Variants in COL5A3 observed in about 807,000 individuals in gnomAD.
COL5A3 encodes collagen type V alpha 3 chain, also known as collagen alpha-3(V) chain.
COL5A3 carries 172 observed loss-of-function variants against 250.0 expected under a neutral mutation model. The observed-to-expected ratio is 0.69, with a 90% CI of 0.61 to 0.78. The LOEUF is 0.78. COL5A3 is among the 30% of genes least tolerant of loss of function. COL5A3 has a pLI of 0.00. For missense variants in COL5A3, 2,340 were observed against 2,334.4 expected, an observed-to-expected ratio of 1.00 and a Z score of -0.05; for synonymous variants, 937 against 900.4, an observed-to-expected ratio of 1.04 and a Z score of -0.73.
At position 9,986,304 on chromosome 19, in the gene COL5A3, G is replaced by T; in HGVS notation, c.2352+11C>A. 6.6e-7 allele frequency: 1 copy of T among 1,511,722 alleles called. No individual in the cohort carries two copies. Among genetic ancestry groups the T allele is most frequent in the Non-Finnish European group, 8.9e-7 (1 of 1,126,402 alleles). The allele number at this position is 1,511,722 out of a possible 1,614,324, so 93.6% of individuals were successfully genotyped here. A position where few individuals can be genotyped will look rare whatever the true frequency, so the allele number is the denominator to read the frequency against. On this transcript the variant is annotated intron_variant, in intron 30 of 66. Transcript: ENST00000264828. ...TGACTGTGGGAGGCTAGAGGGTGGAGAGTCATTTACCTTCTCCCCAGCTGA... is the reference window on the plus strand; with the variant it reads ...TGACTGTGGGAGGCTAGAGGGTGGATAGTCATTTACCTTCTCCCCAGCTGA...
Position 10,005,688 on chromosome 19 carries a change from T to A in COL5A3, c.464A>T (p.Asp155Val). 2 of 1,612,462 alleles carry A rather than the reference T, an allele frequency of 1.2e-6. No individual in the cohort carries two copies. The highest frequency in any genetic ancestry group is 1.7e-6 in the Non-Finnish European group (2 of 1,178,832). Residue 155 changes from aspartate (D) to valine (V), a missense_variant, in exon 4 of 67, where the codon GAT (aspartate) becomes GTT (valine). This residue lies in a region of COL5A3 where 1,152 missense variants were observed against 1,146.3 expected (regional missense o/e 1.00). Transcript: ENST00000264828. ...GRWHRVAVSI[D>V]GEMVTLVADC... ...AGCTACCAGGGTCACCATCTCACCATCTATGCTGACGGCCACACGGTGCCA... is the reference window on the plus strand; with the variant it reads ...AGCTACCAGGGTCACCATCTCACCAACTATGCTGACGGCCACACGGTGCCA...
chr19:9,989,349 C>G lies in COL5A3; in HGVS notation c.2064G>C (p.Glu688Asp), dbSNP rs747769168. 26 of 1,614,222 alleles carry G rather than the reference C, an allele frequency of 1.6e-5. No individual in the cohort carries two copies. Among genetic ancestry groups the G allele is most frequent in the Non-Finnish European group, 2.1e-5 (25 of 1,180,028 alleles). The change falls in exon 26 of 67, where the codon GAG becomes GAC. Residue 688 changes from glutamate (E) to aspartate (D), a missense_variant. Physicochemically the swap from Glu to Asp is conservative, Grantham distance 45 (BLOSUM62 2). Coordinates refer to ENST00000264828, the MANE Select transcript of COL5A3 (RefSeq NM_015719.4). ...SDGPLGHPGH[E>D]GPTGEKGAQG... ...GAGCCCCTTTCTCTCCCGTGGGGCC[C>G]TCATGTCCTGGGTGACCCTGGGGAA... is the stretch of plus-strand genomic sequence containing the variant.
Position 9,972,922 on chromosome 19 carries a change from G to A in COL5A3, c.3771C>T (p.Ser1257=), listed in dbSNP as rs755956014. Residue 1257 remains serine (S), a synonymous_variant, in exon 51 of 67, where the codon AGC becomes AGT. Transcript: ENST00000264828. Reference sequence around the variant, plus strand: ...CCCACTTCCCCCCAGGACTCACCACGCTCCCTTTGGCTCCATCCTCTCCAG... The same window carrying A: ...CCCACTTCCCCCCAGGACTCACCACACTCCCTTTGGCTCCATCCTCTCCAG... The part of the protein sequence containing the change: ...GPPGEDGAKG[S]VGPTGLPGDL... The A allele has an allele frequency of 5.0e-6, 8 of 1,603,178 alleles. No individual in the cohort carries two copies. The highest frequency in any genetic ancestry group is 4.5e-5 in the South Asian group (4 of 89,102).
chr19:9,970,208 G>GT (rs2086815371), intron 54 of COL5A3, among the ~76,000 whole-genome samples: 1 of 18,476 alleles, frequency 5.4e-5, no homozygotes, highest in Non-Finnish European at 1.0e-4. Context: ...GTGAGTGGGG[G>GT]CTGTGGGTGA....
chr19:10,000,442 C>T (rs988311025), intron 8 of COL5A3, among the ~76,000 whole-genome samples: 1 of 145,054 alleles, frequency 6.9e-6, no homozygotes, highest in African/African-American at 2.6e-5. Context: ...CATTCAGCAG[C>T]CAGAGAGCTC....
chr19:9,963,564 G>GGT (rs1555733048), intron 64 of COL5A3, among the ~76,000 whole-genome samples: 1 of 126,408 alleles, frequency 7.9e-6, no homozygotes, highest in Non-Finnish European at 1.7e-5. Context: ...TTTTTTTTGG[G>GGT]GGGGGGGGCG....
intron 64 of COL5A3, among the ~76,000 whole-genome samples, chr19:9,965,006 G>A (rs563076343): frequency 1.8e-4 from 27 of 150,700 alleles, no homozygotes; most frequent in South Asian, 1.1e-3. Context: ...CTGAGATCAC[G>A]CCACTGCATT....
intron 27 of COL5A3, among the ~76,000 whole-genome samples, chr19:9,987,961 G>A (rs1755048733): frequency 6.6e-6 from 1 of 152,118 alleles, no homozygotes; most frequent in Non-Finnish European, 1.5e-5. Flanking sequence ...AGGGCCGGGT[G>A]TGGTGGCTCA....
intron 65 of COL5A3, among the ~76,000 whole-genome samples, chr19:9,961,406 G>T (rs114807947): frequency 6.6e-6 from 1 of 151,602 alleles, no homozygotes; most frequent in Non-Finnish European, 1.5e-5. Flanking sequence ...GCTCTTTCGC[G>T]CAAGTTGGGG....
chr19:9,979,298 C>T, intron 38 of COL5A3, 59 bp from the exon 39 acceptor site: 8 of 1,604,154 alleles, frequency 5.0e-6, no homozygotes, highest in Non-Finnish European at 6.8e-6. Context: ...GCTCAGGAGT[C>T]CAGCTTTCCC....
intron 27 of COL5A3, among the ~76,000 whole-genome samples, chr19:9,987,653 G>C (rs1478373829): frequency 6.6e-6 from 1 of 152,134 alleles, no homozygotes; most frequent in Non-Finnish European, 1.5e-5. Flanking sequence ...GGGAGGGTGA[G>C]GTGGGAGGAT....
At position 9,977,623 on chromosome 19, in the gene COL5A3, C is replaced by A; in HGVS notation, c.3097G>T (p.Val1033Phe). ...LPGQSGSEGPVGPAGKKGSRG... is the reference protein window; with the variant it reads ...LPGQSGSEGPFGPAGKKGSRG... ...GACCCCTTCTTGCCTGCAGGGCCAA[C>A]GGGGCCTTCGCTGCCACTTTGGCCA... Residue 1033 changes from valine (V) to phenylalanine (F), a missense_variant, in exon 42 of 67, where the codon GTT (valine) becomes TTT (phenylalanine). Physicochemically the swap from Val to Phe is conservative, Grantham distance 50. This residue lies in a region of COL5A3 where 1,179 missense variants were observed against 1,162.6 expected (regional missense o/e 1.01). Coordinates refer to ENST00000264828, the MANE Select transcript of COL5A3 (RefSeq NM_015719.4). 6.2e-7 allele frequency: 1 copy of A among 1,604,432 alleles called. No homozygotes were observed. The highest frequency in any genetic ancestry group is 8.5e-7 in the Non-Finnish European group (1 of 1,175,098).
At chr19:9,964,912 G>A (rs140213115) in intron 64 of COL5A3, among the ~76,000 whole-genome samples, 3,124 of 138,434 alleles carry the variant, frequency 0.023, 113 homozygotes, top group African/African-American at 0.08. Context: ...AGCTGGGCAT[G>A]GTGGCGCATG....
chr19:9,969,577 C>T lies in COL5A3; in HGVS notation c.4096G>A (p.Val1366Met), dbSNP rs143362848. Residue 1366 changes from valine to methionine, a missense_variant and splice_region_variant, in exon 56 of 67, where the codon GTG becomes ATG. By Grantham distance (21) the Val-to-Met change is conservative (BLOSUM62 1). This residue lies in a region of COL5A3 where 1,179 missense variants were observed against 1,162.6 expected (regional missense o/e 1.01). Coordinates refer to ENST00000264828, the MANE Select transcript of COL5A3 (RefSeq NM_015719.4). ...CACCCCTGCCCCGCTCCACTCACCA[C>T]AGGGCCAGGGATCCCTCGAAGACCC... ...PEGLRGIPGPVGEPGLLGAPG... is the reference protein window; with the variant it reads ...PEGLRGIPGPMGEPGLLGAPG... 1.6e-4 allele frequency: 251 copies of T among 1,611,208 alleles called. 8 individuals are homozygous for T. In the East Asian group the frequency reaches 2.2e-3, roughly 14 times the overall value.
chr19:9,971,089 G>T, intron 52 of COL5A3, 61 bp from the exon 53 acceptor site: 1 of 1,449,450 alleles, frequency 6.9e-7, no homozygotes, highest in East Asian at 2.6e-5. Flanking sequence ...TTTGGGATGG[G>T]GCTGGGAGGC....
chr19:9,971,148 G>A, intron 52 of COL5A3, 57 bp downstream of exon 52: 1 of 1,434,664 alleles, frequency 7.0e-7, no homozygotes, highest in Non-Finnish European at 9.4e-7. Context: ...TGTGGGGGTA[G>A]GGAGATGGGG....
intron 65 of COL5A3, among the ~76,000 whole-genome samples, chr19:9,962,376 G>A (rs1006515422): frequency 6.6e-6 from 1 of 152,118 alleles, no homozygotes; most frequent in African/African-American, 2.4e-5. Flanking sequence ...CCAAAGTGCT[G>A]GAATTACAGG....
At chr19:9,966,825 A>G in intron 62 of COL5A3, 79 bp from the exon 63 acceptor site, 1 of 1,112,796 alleles carries the variant, frequency 9.0e-7, no homozygotes, top group Non-Finnish European at 1.3e-6. Context: ...ACAGGCAGAG[A>G]TGAAGAGGCA....
chr19:9,977,259 G>T lies in COL5A3; in HGVS notation c.3258C>A (p.His1086Gln). 1 of 1,613,870 alleles carries T rather than the reference G, an allele frequency of 6.2e-7. No homozygotes were observed. Among genetic ancestry groups the T allele is most frequent in the East Asian group, 2.2e-5 (1 of 44,858 alleles). The stretch of plus-strand genomic sequence containing the variant: ...CTCCTTTATCGCCTTTACTCCCCTT[G>T]TGTCCGGGGGCACCCACATCCCCCT... ...GDKGDVGAPG[H>Q]KGSKGDKGDA... Residue 1086 changes from histidine to glutamine, a missense_variant, in exon 44 of 67, where the codon CAC becomes CAA. By Grantham distance (24) the His-to-Gln change is conservative. Around this residue, in one of 3 missense-constraint regions of COL5A3, gnomAD observed 1,179 missense variants for 1,162.6 expected, o/e 1.01. Transcript: ENST00000264828.
Sources: gnomAD v4.1 joint callset for allele counts (sites outside exome capture counted in the v4.1 genomes callset) on GRCh38, gnomAD v4.1.1 for gene constraint, gnomAD v4.1.1 regional missense constraint, MANE v1.5 for transcripts, NCBI Gene and HGNC (gene_info 2026-07-23, HGNC 2026-07-21) for gene names.